Variants in NTM observed in about 807,000 individuals in gnomAD.
NTM encodes neurotrimin.
In NTM, 13 loss-of-function variants were observed where a neutral mutation model predicts 42.1. The observed-to-expected ratio is 0.31, with a 90% confidence interval of 0.20 to 0.49. The LOEUF (loss-of-function observed/expected upper bound fraction) is 0.49, where lower values mean the gene tolerates loss of function less well. Among genes scored for constraint, NTM ranks in the 20% least tolerant of loss-of-function variants. The probability of loss-of-function intolerance (pLI) is 0.99; values close to 1 mark genes in which losing one functional copy is unlikely to be tolerated. For synonymous variants in NTM, 187 were observed against 179.2 expected (o/e 1.04, Z -0.35); for missense variants, 373 against 452.8 (o/e 0.82, Z 1.60).
chr11:132,230,638 CAAGTT>C (rs1486750192), intron 4 of NTM, among the ~76,000 whole-genome samples: 1 of 152,228 alleles, frequency 6.6e-6, no homozygotes, highest in African/African-American at 2.4e-5. Flanking sequence ...TCTCCTCTGT[CAAGTT>C]AAGACCGTGA....
At position 131,653,220 on chromosome 11, in the gene NTM, G is replaced by A. The variant is rs116363871; in HGVS notation, c.83-258344G>A. 4.2e-3 allele frequency among the ~76,000 whole-genome samples: 631 copies of A among 152,040 alleles called. 5 individuals are homozygous for A. Among genetic ancestry groups the A allele is most frequent in the African/African-American group, 0.015 (601 of 41,414 alleles). On this transcript the variant is annotated intron_variant, in intron 1 of 8. Coordinates refer to ENST00000683400, the MANE Select transcript of NTM (RefSeq NM_001352005.2). ...CCTTTCTTAGGGACCTTTTTTTTGA[G>A]GTTATCTTTTTTTTTTCTTCCTTTG... is the stretch of plus-strand genomic sequence containing the variant.
chr11:131,680,298 A>T (rs1273162909), intron 1 of NTM, among the ~76,000 whole-genome samples: 1 of 151,078 alleles, frequency 6.6e-6, no homozygotes, highest in African/African-American at 2.4e-5. Flanking sequence ...GGAATACCTA[A>T]TAACATGAAC....
At chr11:132,128,567 G>C (rs1591692673) in intron 2 of NTM, among the ~76,000 whole-genome samples, 1 of 151,914 alleles carries the variant, frequency 6.6e-6, no homozygotes, top group South Asian at 2.1e-4. Context: ...ATAGTTGTGG[G>C]TGTAGGAGTT....
intron 2 of NTM, among the ~76,000 whole-genome samples, chr11:132,009,693 T>C (rs1332275928): frequency 6.6e-6 from 1 of 152,212 alleles, no homozygotes; most frequent in Admixed American, 6.5e-5. Context: ...AAGGAAAGCG[T>C]GCTTTTATTA....
intron 1 of NTM, among the ~76,000 whole-genome samples, chr11:131,747,269 A>T (rs1181150978): frequency 6.6e-6 from 1 of 152,176 alleles, no homozygotes; most frequent in Non-Finnish European, 1.5e-5. Flanking sequence ...TGCCAGCTGA[A>T]TAACCCACGA....
intron 2 of NTM, among the ~76,000 whole-genome samples, chr11:132,046,478 C>T (rs2078015428): frequency 6.6e-6 from 1 of 152,010 alleles, no homozygotes; most frequent in African/African-American, 2.4e-5. Context: ...AGTTATTATA[C>T]TCTCTGAATA....
intron 1 of NTM, among the ~76,000 whole-genome samples, chr11:131,384,631 T>C (rs1247280165): frequency 6.6e-6 from 1 of 151,986 alleles, no homozygotes; most frequent in Admixed American, 6.6e-5. Context: ...GAGGATGTGG[T>C]GATGGCTGGC....
intron 1 of NTM, among the ~76,000 whole-genome samples, chr11:131,541,104 C>G (rs374489005): frequency 1.3e-5 from 2 of 152,194 alleles, no homozygotes; most frequent in Non-Finnish European, 2.9e-5. Context: ...CTTCATTACT[C>G]GAAACAGTAA....
intron 1 of NTM, among the ~76,000 whole-genome samples, chr11:131,608,330 G>A (rs1166372733): frequency 2.0e-5 from 3 of 152,168 alleles, no homozygotes; most frequent in African/African-American, 7.2e-5. Context: ...TTGAATGAGT[G>A]CATGAGATGA....
At chr11:131,738,627 CCATA>C (rs1440288475) in intron 1 of NTM, among the ~76,000 whole-genome samples, 76 of 152,280 alleles carry the variant, frequency 5.0e-4, no homozygotes, top group Non-Finnish European at 8.8e-5. Context: ...TCTCGATTGC[CCATA>C]CATAGCTCCA....
intron 3 of NTM, among the ~76,000 whole-genome samples, chr11:132,148,374 G>T (rs1190514097): frequency 6.6e-6 from 1 of 152,118 alleles, no homozygotes; most frequent in Non-Finnish European, 1.5e-5. Context: ...CAGGGCTGGT[G>T]AATGCCCTGG....
rs147476930 is a variant in NTM at position 132,211,904 on chromosome 11, G to A, written c.401-118G>A. ...AAGGTAATTCCTCTAATTTCTTATCGTTAACTTACTGTAGTCCATATATTT... is the reference window on the plus strand; with the variant it reads ...AAGGTAATTCCTCTAATTTCTTATCATTAACTTACTGTAGTCCATATATTT... On this transcript the variant is annotated intron_variant, in intron 3 of 8. Coordinates refer to ENST00000683400, the MANE Select transcript of NTM (RefSeq NM_001352005.2). 1,484 of 864,368 alleles carry A rather than the reference G, an allele frequency of 1.7e-3. 8 individuals are homozygous for A. The African/African-American group carries it at 0.018, about 10-fold the overall frequency. The allele number at this position is 864,368 out of a possible 1,614,324, so 53.5% of individuals were successfully genotyped here.
At chr11:132,314,935 A>G (rs1444869018) in intron 7 of NTM, 5 of 1,292,266 alleles carry the variant, frequency 3.9e-6, no homozygotes, top group Non-Finnish European at 4.9e-6. Context: ...CATGTATACA[A>G]AGTAGTATAT....
chr11:132,324,865 A>G (rs12805412), intron 7 of NTM, among the ~76,000 whole-genome samples: 41,138 of 143,360 alleles, frequency 0.29, 5,927 homozygotes, highest in Non-Finnish European at 0.37. Flanking sequence ...AAATAATGCC[A>G]CATATCTACA....
chr11:131,558,703 CA>C (rs1214367477), intron 1 of NTM, among the ~76,000 whole-genome samples: 3 of 152,150 alleles, frequency 2.0e-5, no homozygotes, highest in African/African-American at 7.2e-5. Flanking sequence ...GCTGGAAAGT[CA>C]AACAAATGTT....
intron 2 of NTM, among the ~76,000 whole-genome samples, chr11:132,049,307 C>T (rs2078503575): frequency 6.6e-6 from 1 of 152,198 alleles, no homozygotes; most frequent in Non-Finnish European, 1.5e-5. Context: ...GTGAGACTCA[C>T]ATCTACAGGG....
intron 1 of NTM, among the ~76,000 whole-genome samples, chr11:131,575,501 T>C (rs1467024783): frequency 1.3e-5 from 2 of 151,092 alleles, no homozygotes; most frequent in African/African-American, 2.5e-5. Flanking sequence ...AACCGAAGCA[T>C]AGGAAGTGGC....
intron 1 of NTM, among the ~76,000 whole-genome samples, chr11:131,404,193 C>T (rs752622410): frequency 6.6e-5 from 10 of 152,120 alleles, no homozygotes; most frequent in Non-Finnish European, 1.3e-4. Context: ...CTCGCACTTC[C>T]GCTTTCCAGC....
chr11:131,540,327 G>T (rs1465075779), intron 1 of NTM, among the ~76,000 whole-genome samples: 1 of 152,068 alleles, frequency 6.6e-6, no homozygotes, highest in Non-Finnish European at 1.5e-5. Flanking sequence ...ACCATGGCCA[G>T]CTAGTTGTTT....
Sources: gnomAD v4.1 joint callset for allele counts (sites outside exome capture counted in the v4.1 genomes callset) on GRCh38, gnomAD v4.1.1 for gene constraint, MANE v1.5 for transcripts, NCBI Gene and HGNC (gene_info 2026-07-23, HGNC 2026-07-21) for gene names.